VEZT: variants seen among roughly 807,000 people sequenced by gnomAD.
VEZT encodes the protein vezatin.
A neutral mutation model predicts 79.9 loss-of-function variants in VEZT; 39 were observed. That is an observed-to-expected ratio of 0.49 (90% CI 0.38 to 0.64). The LOEUF (loss-of-function observed/expected upper bound fraction) is 0.64. Ranked by LOEUF, VEZT falls within the 30% of genes least tolerant of loss-of-function variation. The probability of loss-of-function intolerance (pLI) is 0.00; values close to 1 mark genes in which losing one functional copy is unlikely to be tolerated. For missense variants in VEZT, 837 were observed against 893.1 expected (o/e 0.94, Z 0.80); for synonymous variants, 325 against 327.6 (o/e 0.99, Z 0.09).
At chr12:95,297,415 C>T (rs1472399891) in intron 11 of VEZT, among the ~76,000 whole-genome samples, 39 of 150,930 alleles carry the variant, frequency 2.6e-4, no homozygotes, top group African/African-American at 9.0e-4. Flanking sequence ...TTTTTCCCCT[C>T]AGGAGCCCTA....
intron 1 of VEZT, among the ~76,000 whole-genome samples, chr12:95,219,461 C>T (rs954728872): frequency 2.0e-5 from 3 of 152,116 alleles, no homozygotes; most frequent in African/African-American, 7.2e-5. Flanking sequence ...TTTTTTAAAA[C>T]AAAAGGTATA....
rs746871987 is a variant in VEZT at position 95,274,756 on chromosome 12, C to CT, written c.864dup (p.Glu289Ter). 1 of 1,612,552 alleles carries CT rather than the reference C, an allele frequency of 6.2e-7. No homozygotes were observed. Among genetic ancestry groups the CT allele is most frequent in the South Asian group, 1.1e-5 (1 of 90,682 alleles). On this transcript the variant is annotated frameshift_variant, in exon 7 of 12. Coordinates refer to ENST00000436874, the MANE Select transcript of VEZT (RefSeq NM_017599.4). LOFTEE classifies it high-confidence loss of function. ...CCTAATTTAACCTACCCCCTGAACTCTGAGAGTGACAATGTAACCAACTAC... is the reference window on the plus strand; with the variant it reads ...CCTAATTTAACCTACCCCCTGAACTCTTGAGAGTGACAATGTAACCAACTAC...
intron 5 of VEZT, among the ~76,000 whole-genome samples, chr12:95,269,052 A>G (rs1307997446): frequency 2.0e-5 from 3 of 152,156 alleles, no homozygotes; most frequent in Non-Finnish European, 2.9e-5. Context: ...TAGATTTTTA[A>G]TACCTGAATA....
rs2071810253 is a variant in VEZT, at chr12:95,289,084, A to AT, written c.1522+1227_1522+1228insT. Among the ~76,000 whole-genome samples the AT allele has an allele frequency of 1.4e-4, 12 of 86,998 alleles. 1 individual carries two copies. The South Asian group carries it at 4.1e-3, about 30-fold the overall frequency. 57.1% of individuals were successfully genotyped at this position (86,998 alleles called of 152,430 possible). A position where few individuals can be genotyped will look rare whatever the true frequency, so the allele number is the denominator to read the frequency against. On this transcript the variant is annotated intron_variant, in intron 9 of 11. Transcript: ENST00000436874. ...GCAACAGAGCGAGACTCCGTCTCAA[A>AT]AAAAAAAATAAATAAATAAATAAAT...
At chr12:95,230,925 A>C (rs1215879858) in intron 1 of VEZT, among the ~76,000 whole-genome samples, 2 of 152,228 alleles carry the variant, frequency 1.3e-5, no homozygotes, top group African/African-American at 4.8e-5. Flanking sequence ...CTTGCTTTTT[A>C]GTCAATAGAG....
intron 3 of VEZT, among the ~76,000 whole-genome samples, chr12:95,259,042 T>G (rs186299477): frequency 4.5e-4 from 69 of 152,332 alleles, no homozygotes; most frequent in African/African-American, 1.6e-3. Context: ...ACGTCAGCAC[T>G]AAAGAGTCTG....
intron 1 of VEZT, 171 bp downstream of exon 1, chr12:95,218,057 T>C: frequency 1.9e-6 from 1 of 538,752 alleles, no homozygotes. Flanking sequence ...GCCTGACAGG[T>C]GTAGCCAGAG....
At chr12:95,240,033 G>A (rs1193054783) in intron 1 of VEZT, among the ~76,000 whole-genome samples, 18 of 89,700 alleles carry the variant, frequency 2.0e-4, no homozygotes, top group African/African-American at 6.9e-4. Flanking sequence ...AGGAAGGAAG[G>A]AAGGAAGGAA....
chr12:95,232,798 CGTTT>C (rs1193084411), intron 1 of VEZT, among the ~76,000 whole-genome samples: 1 of 151,716 alleles, frequency 6.6e-6, no homozygotes, highest in African/African-American at 2.4e-5. Flanking sequence ...TTTTTTTGTT[CGTTT>C]GTTTTGTTTT....
intron 1 of VEZT, among the ~76,000 whole-genome samples, chr12:95,233,376 T>A (rs1312987831): frequency 6.6e-6 from 1 of 152,046 alleles, no homozygotes; most frequent in Admixed American, 6.5e-5. Flanking sequence ...TCGTATATTT[T>A]CTTTTTTAAA....
intron 10 of VEZT, among the ~76,000 whole-genome samples, chr12:95,295,761 T>C (rs1480578299): frequency 6.6e-6 from 1 of 152,344 alleles, no homozygotes; most frequent in East Asian, 1.9e-4. Context: ...CTAATGGCTG[T>C]AACACTAAGT....
chr12:95,256,115 G>T (rs545536167), intron 2 of VEZT, among the ~76,000 whole-genome samples: 1 of 151,838 alleles, frequency 6.6e-6, no homozygotes, highest in African/African-American at 2.4e-5. Context: ...GCAATGGCGC[G>T]ATCTCGGCTC....
chr12:95,251,705 ATC>A (rs2062637907), intron 1 of VEZT, among the ~76,000 whole-genome samples: 3 of 152,162 alleles, frequency 2.0e-5, no homozygotes, highest in Admixed American at 2.0e-4. Context: ...CAAAAAAAAA[ATC>A]TGTGTGTTTT....
At chr12:95,249,967 G>C (rs748025139) in intron 1 of VEZT, among the ~76,000 whole-genome samples, 2 of 150,928 alleles carry the variant, frequency 1.3e-5, no homozygotes, top group African/African-American at 4.9e-5. Context: ...GAAGATGAAA[G>C]TAAAATACTT....
intron 1 of VEZT, among the ~76,000 whole-genome samples, chr12:95,244,302 GATTCC>G (rs904911776): frequency 3.7e-4 from 56 of 152,102 alleles, no homozygotes; most frequent in African/African-American, 1.3e-3. Flanking sequence ...GAGGTGGGAG[GATTCC>G]TCGAGCCCAG....
Position 95,252,058 on chromosome 12 carries a change from G to C in VEZT, c.155G>C (p.Arg52Thr). 1 of 1,606,836 alleles carries C rather than the reference G, an allele frequency of 6.2e-7. No individual in the cohort carries two copies. The highest frequency in any genetic ancestry group is 8.5e-7 in the Non-Finnish European group (1 of 1,177,694). The part of the protein sequence containing the change: ...TTEGQQKPPT[R>T]VLPKQGILLK... Reference sequence around the variant, plus strand: ...GAGGGACAACAAAAGCCTCCTACAAGAGTCCTACCAAAAGTAAGAACGCAT... The same window carrying C: ...GAGGGACAACAAAAGCCTCCTACAACAGTCCTACCAAAAGTAAGAACGCAT... The change falls in exon 2 of 12, where the codon AGA (arginine) becomes ACA (threonine). Residue 52 changes from arginine to threonine, a missense_variant. Transcript: ENST00000436874.
At chr12:95,289,693 C>T (rs7137252) in intron 9 of VEZT, among the ~76,000 whole-genome samples, 17,071 of 152,160 alleles carry the variant, frequency 0.11, 1,058 homozygotes, top group East Asian at 0.25. Context: ...GCCATGACTA[C>T]ACAGGTTTAA....
chr12:95,244,206 A>C (rs2061429053), intron 1 of VEZT, among the ~76,000 whole-genome samples: 1 of 151,972 alleles, frequency 6.6e-6, no homozygotes, highest in Admixed American at 6.6e-5. Flanking sequence ...CAGCCTGGGC[A>C]ACATAGTGAG....
intron 1 of VEZT, among the ~76,000 whole-genome samples, chr12:95,227,337 T>C (rs1030776530): frequency 6.2e-5 from 3 of 48,570 alleles, no homozygotes; most frequent in Non-Finnish European, 1.4e-4. Context: ...ATTTTTTCTT[T>C]TTTTTTTTTT....
Sources: gnomAD v4.1 joint callset for allele counts (sites outside exome capture counted in the v4.1 genomes callset) on GRCh38, gnomAD v4.1.1 for gene constraint, MANE v1.5 for transcripts, NCBI Gene and HGNC (gene_info 2026-07-23, HGNC 2026-07-21) for gene names.